Variants in LHPP observed in about 807,000 individuals in gnomAD.
LHPP encodes the protein hLHPP.
LHPP carries 24 observed loss-of-function variants against 30.3 expected under a neutral mutation model. That is an observed-to-expected ratio of 0.79 (90% CI 0.57 to 1.11). LHPP has a LOEUF of 1.11. Ranked by LOEUF, LHPP falls within the 50% of genes most tolerant of loss-of-function variation. The pLI, the probability that LHPP is intolerant of heterozygous loss-of-function variation, is 0.00. For synonymous variants in LHPP, 150 were observed against 157.1 expected, an observed-to-expected ratio of 0.95 and a Z score of 0.34; for missense variants, 356 against 367.2, an observed-to-expected ratio of 0.97 and a Z score of 0.25.
At chr10:124,501,430 C>T (rs1298604532) in intron 5 of LHPP, among the ~76,000 whole-genome samples, 8 of 151,292 alleles carry the variant, frequency 5.3e-5, no homozygotes, top group Middle Eastern at 3.2e-3. Flanking sequence ...GGTGAAACCC[C>T]GTCTCCACTA....
chr10:124,521,400 G>C (rs1047194990), intron 6 of LHPP, among the ~76,000 whole-genome samples: 12 of 152,234 alleles, frequency 7.9e-5, no homozygotes, highest in Non-Finnish European at 1.5e-4. Flanking sequence ...AGCCCCCCAG[G>C]GGCAGCAGCT....
chr10:124,468,397 T>C (rs1290869225), intron 1 of LHPP, among the ~76,000 whole-genome samples: 3 of 152,098 alleles, frequency 2.0e-5, no homozygotes. Context: ...GAGGCTAAAA[T>C]CTCCCTTCCC....
chr10:124,519,265 A>G lies in LHPP; in HGVS notation c.716+1994A>G, dbSNP rs75833846. Among the ~76,000 whole-genome samples, 1,220 of 152,342 alleles carry G rather than the reference A, an allele frequency of 8.0e-3. 56 individuals carry two copies. In the East Asian group the frequency reaches 0.14, roughly 17 times the overall value. The stretch of plus-strand genomic sequence containing the variant: ...GCCCGGCCCCAGAGAGAGAAACTCC[A>G]TCAACAGTTTGCCGAATCCTTCCAC... On this transcript the variant is annotated intron_variant, in intron 6 of 6. Coordinates refer to ENST00000368842, the MANE Select transcript of LHPP (RefSeq NM_022126.4).
chr10:124,505,839 G>T (rs1161722891), intron 5 of LHPP, among the ~76,000 whole-genome samples: 1 of 152,176 alleles, frequency 6.6e-6, no homozygotes, highest in African/African-American at 2.4e-5. Context: ...TTAGTTATAT[G>T]TGACAGCCAA....
In LHPP at chr10:124,478,641, G is replaced by A. The variant is rs191954291; in HGVS notation, c.126-5498G>A. Among the ~76,000 whole-genome samples, 29 of 152,354 alleles carry A rather than the reference G, an allele frequency of 1.9e-4. No individual in the cohort carries two copies. Among genetic ancestry groups the A allele is most frequent in the Non-Finnish European group, 3.5e-4 (24 of 68,032 alleles). ...GATGCCAACAGCCAGCAGATGTGGA[G>A]AGTCCGAGGTGATTTGTAAGGGCCG... On this transcript the variant is annotated intron_variant, in intron 1 of 6. Coordinates refer to ENST00000368842, the MANE Select transcript of LHPP (RefSeq NM_022126.4). This position sits in a 1 kb window ranked among gnomAD's most constrained non-coding sequence, Gnocchi z 4.7.
chr10:124,608,697 C>A (rs1057489925), intron 6 of LHPP, among the ~76,000 whole-genome samples: 1 of 152,222 alleles, frequency 6.6e-6, no homozygotes, highest in Non-Finnish European at 1.5e-5. Flanking sequence ...GAGGGACCCC[C>A]ACCCCACCCA....
intron 6 of LHPP, among the ~76,000 whole-genome samples, chr10:124,527,372 T>C (rs1001393068): frequency 6.6e-6 from 1 of 152,202 alleles, no homozygotes; most frequent in African/African-American, 2.4e-5. Flanking sequence ...TGGACGCAGT[T>C]CTTATTTTCA....
intron 1 of LHPP, among the ~76,000 whole-genome samples, chr10:124,467,777 A>G (rs554410894): frequency 2.0e-5 from 3 of 151,714 alleles, no homozygotes; most frequent in African/African-American, 7.3e-5. Flanking sequence ...GTGCAGTGGT[A>G]TGATCTCGGC....
At chr10:124,492,731 T>C (rs1388871185) in intron 3 of LHPP, among the ~76,000 whole-genome samples, 3 of 152,178 alleles carry the variant, frequency 2.0e-5, no homozygotes, top group African/African-American at 7.2e-5. Context: ...CTTACACCCA[T>C]TGCAATTTAG....
intron 6 of LHPP, among the ~76,000 whole-genome samples, chr10:124,546,352 A>G (rs1955339298): frequency 6.6e-6 from 1 of 152,182 alleles, no homozygotes; most frequent in Non-Finnish European, 1.5e-5. Flanking sequence ...AGCTCCCATT[A>G]TTAACTAAAG....
In LHPP at chr10:124,546,667, C is replaced by A. The variant is rs554553883; in HGVS notation, c.716+29396C>A. Among the ~76,000 whole-genome samples the A allele has an allele frequency of 2.8e-4, 42 of 152,036 alleles. 2 individuals are homozygous for A. The highest frequency in any genetic ancestry group is 3.4e-3 in the Middle Eastern group (1 of 292). On this transcript the variant is annotated intron_variant, in intron 6 of 6. Transcript: ENST00000368842. ...CCTCATGATCCGCCCGCCTCAGCCT[C>A]CCAAAGTGCTGGAATTACAGGCGTG...
chr10:124,550,015 C>T (rs754406012), intron 6 of LHPP, among the ~76,000 whole-genome samples: 7 of 152,362 alleles, frequency 4.6e-5, no homozygotes, highest in Middle Eastern at 3.4e-3. Context: ...CTGACCTTGG[C>T]ATGCAGGGTG....
chr10:124,477,756 A>G (rs982718466), intron 1 of LHPP, among the ~76,000 whole-genome samples: 16 of 152,180 alleles, frequency 1.1e-4, no homozygotes, highest in African/African-American at 3.6e-4. Context: ...TGAATGCACG[A>G]GTTGACATTT....
rs369613544 is a variant in LHPP at position 124,544,657 on chromosome 10, G to A, written c.716+27386G>A. Among the ~76,000 whole-genome samples the A allele has an allele frequency of 4.6e-5, 7 of 152,362 alleles. No homozygotes were observed. The East Asian group carries it at 5.8e-4, about 13-fold the overall frequency. ...TGAGGTTGTGTGGGCTGCTGAGAGC[G>A]TGTGCAGAGCTCTGGGCACAAGCCT... is the stretch of plus-strand genomic sequence containing the variant. On this transcript the variant is annotated intron_variant, in intron 6 of 6. Coordinates refer to ENST00000368842, the MANE Select transcript of LHPP (RefSeq NM_022126.4).
chr10:124,462,426 C>T (rs2133800921), intron 1 of LHPP, among the ~76,000 whole-genome samples: 1 of 152,086 alleles, frequency 6.6e-6, no homozygotes, highest in South Asian at 2.1e-4. Context: ...GAGACCCCGT[C>T]TCTGCCAAAA....
intron 6 of LHPP, among the ~76,000 whole-genome samples, chr10:124,609,097 G>A (rs900151531): frequency 4.6e-5 from 7 of 152,202 alleles, no homozygotes; most frequent in Admixed American, 6.5e-5. Flanking sequence ...TGTAGGGGCC[G>A]AATCGTTACC....
intron 6 of LHPP, among the ~76,000 whole-genome samples, chr10:124,564,882 CTA>C (rs1300791615): frequency 1.3e-5 from 2 of 152,182 alleles, no homozygotes; most frequent in Non-Finnish European, 2.9e-5. Flanking sequence ...AGATTGGAGA[CTA>C]TTATTCTAAG....
At chr10:124,471,586 A>G (rs1214022871) in intron 1 of LHPP, among the ~76,000 whole-genome samples, 2 of 58,900 alleles carry the variant, frequency 3.4e-5, no homozygotes, top group South Asian at 4.6e-4. Context: ...TTATATTTAT[A>G]TATTTTTTAT....
intron 6 of LHPP, among the ~76,000 whole-genome samples, chr10:124,549,936 C>T (rs1490954567): frequency 6.6e-6 from 1 of 152,270 alleles, no homozygotes; most frequent in African/African-American, 2.4e-5. Context: ...GTCTGTGAAG[C>T]ACCTGGCATG....
Sources: allele counts gnomAD v4.1 joint callset (sites outside exome capture counted in the v4.1 genomes callset), GRCh38; gene constraint gnomAD v4.1.1; non-coding constraint Gnocchi (gnomAD v3.1); transcripts MANE v1.5; gene names NCBI Gene and HGNC (gene_info 2026-07-23, HGNC 2026-07-21).